TRPM3: variants seen among roughly 807,000 people sequenced by gnomAD.
The protein encoded by TRPM3 is long transient receptor potential channel 3.
In TRPM3, 77 loss-of-function variants were observed where a neutral mutation model predicts 181.2. That is an observed-to-expected ratio of 0.42 (90% confidence interval 0.35 to 0.51). The LOEUF (loss-of-function observed/expected upper bound fraction) is 0.51, where lower values mean the gene tolerates loss of function less well. TRPM3 is among the 20% of genes least tolerant of loss of function. The pLI, the probability that TRPM3 is intolerant of heterozygous loss-of-function variation, is 0.01. For missense variants in TRPM3, 1,759 were observed against 2,196.7 expected, an observed-to-expected ratio of 0.80 and a Z score of 3.98; for synonymous variants, 745 against 796.4, an observed-to-expected ratio of 0.94 and a Z score of 1.09.
chr9:70,574,813 T>G (rs950158788), intron 22 of TRPM3, among the ~76,000 whole-genome samples: 7 of 152,226 alleles, frequency 4.6e-5, no homozygotes, highest in African/African-American at 1.7e-4. Flanking sequence ...ATCATGGTTT[T>G]TCATGATGAG....
chr9:70,866,453 T>G (rs1043983106), intron 1 of TRPM3, among the ~76,000 whole-genome samples: 1 of 152,042 alleles, frequency 6.6e-6, no homozygotes, highest in Non-Finnish European at 1.5e-5. Flanking sequence ...GAAAGTTACA[T>G]GATTTCTTTG....
At chr9:70,756,424 G>C (rs2077090009) in intron 8 of TRPM3, among the ~76,000 whole-genome samples, 1 of 152,028 alleles carries the variant, frequency 6.6e-6, no homozygotes. Context: ...GTCAATATTA[G>C]ACAGATCAAT....
intron 1 of TRPM3, among the ~76,000 whole-genome samples, chr9:71,135,856 T>C (rs1188504864): frequency 1.3e-5 from 2 of 152,234 alleles, no homozygotes; most frequent in Non-Finnish European, 2.9e-5. Flanking sequence ...ACTTCTAGTG[T>C]TACTAATACA....
At chr9:71,242,310 A>G (rs7038340) in intron 1 of TRPM3, among the ~76,000 whole-genome samples, 106,773 of 152,048 alleles carry the variant, frequency 0.7, 37,751 homozygotes, top group African/African-American at 0.77. Context: ...GGCAGAGTCC[A>G]TGAAATAGTC....
At chr9:71,408,475 G>T (rs369432426) in intron 1 of TRPM3, among the ~76,000 whole-genome samples, 1 of 152,136 alleles carries the variant, frequency 6.6e-6, no homozygotes. Context: ...TTCAGTAGCC[G>T]ATTCAATCAA....
At chr9:70,806,386 A>G (rs1378192697) in intron 6 of TRPM3, among the ~76,000 whole-genome samples, 3 of 152,138 alleles carry the variant, frequency 2.0e-5, no homozygotes, top group Non-Finnish European at 4.4e-5. Context: ...CTGGGATCTT[A>G]AGGGGTTCAA....
intron 1 of TRPM3, among the ~76,000 whole-genome samples, chr9:71,213,367 G>A (rs1361560808): frequency 6.6e-6 from 1 of 151,828 alleles, no homozygotes; most frequent in African/African-American, 2.4e-5. Context: ...GCTAGATTTT[G>A]CCTACGGGCC....
chr9:71,153,100 T>C (rs1402259564), intron 1 of TRPM3, among the ~76,000 whole-genome samples: 3 of 152,050 alleles, frequency 2.0e-5, no homozygotes, highest in East Asian at 3.9e-4. Flanking sequence ...AGAGCAGTCA[T>C]AGTAATACTG....
chr9:71,259,071 T>A (rs1213786843), intron 1 of TRPM3, among the ~76,000 whole-genome samples: 2 of 151,160 alleles, frequency 1.3e-5, no homozygotes, highest in Non-Finnish European at 2.9e-5. Flanking sequence ...CAGGCCCCAG[T>A]GTGTGATGTT....
rs75300159 is a variant in TRPM3, at chr9:70,683,724, G to A, written c.1273-2146C>T. ...TCTGCTTCTGCATAACTACAGGTTT[G>A]GCCAAGATGCCATCTGGACATTATC... On this transcript the variant is annotated intron_variant, in intron 8 of 25. Transcript: ENST00000677713. Among the ~76,000 whole-genome samples, 16 of 152,138 alleles carry A rather than the reference G, an allele frequency of 1.1e-4. No homozygotes were observed. The East Asian group carries it at 2.7e-3, about 26-fold the overall frequency.
intron 1 of TRPM3, among the ~76,000 whole-genome samples, chr9:70,925,581 T>C (rs570976076): frequency 6.6e-6 from 1 of 152,136 alleles, no homozygotes; most frequent in African/African-American, 2.4e-5. Flanking sequence ...ATATGGAATA[T>C]ATATATATAT....
At chr9:71,404,369 C>T (rs903570257) in intron 1 of TRPM3, among the ~76,000 whole-genome samples, 6 of 152,188 alleles carry the variant, frequency 3.9e-5, no homozygotes, top group African/African-American at 1.4e-4. Context: ...TGCATTTCCA[C>T]CTGAACAACA....
At chr9:70,574,934 T>A (rs1490545291) in intron 22 of TRPM3, among the ~76,000 whole-genome samples, 13 of 151,724 alleles carry the variant, frequency 8.6e-5, no homozygotes, top group Admixed American at 8.5e-4. Context: ...TTCTTTTCTT[T>A]CTTTTTTTTT....
At chr9:71,159,129 G>C (rs895172783) in intron 1 of TRPM3, among the ~76,000 whole-genome samples, 2 of 142,542 alleles carry the variant, frequency 1.4e-5, no homozygotes, top group South Asian at 4.5e-4. Flanking sequence ...GAGAGAGAGA[G>C]AGAGAGAAAG....
intron 6 of TRPM3, among the ~76,000 whole-genome samples, chr9:70,815,861 A>G (rs1284790038): frequency 6.6e-6 from 1 of 152,190 alleles, no homozygotes; most frequent in East Asian, 1.9e-4. Flanking sequence ...TACAATAGCT[A>G]TGAGTTTGAT....
rs184058211 is a variant in TRPM3 at position 70,623,937 on chromosome 9, T to C, written c.1809+1254A>G. Among the ~76,000 whole-genome samples, 3 of 152,092 alleles carry C rather than the reference T, an allele frequency of 2.0e-5. No individual in the cohort carries two copies. The East Asian group carries it at 5.8e-4, about 30-fold the overall frequency. ...CAGATGGACTAAGGTTATGTAGACT[T>C]GGACCTTTGGCAGATGTTTTTGGAA... On this transcript the variant is annotated intron_variant, in intron 14 of 25. Coordinates refer to ENST00000677713, the MANE Select transcript of TRPM3 (RefSeq NM_001366145.2).
chr9:71,444,843 A>G (rs574630593), intron 1 of TRPM3, among the ~76,000 whole-genome samples: 1 of 152,380 alleles, frequency 6.6e-6, no homozygotes, highest in South Asian at 2.1e-4. Context: ...AAACACTGAT[A>G]ATTAAAAATT....
rs1403379592 is a variant in TRPM3 at position 71,260,170 on chromosome 9, TG to T, written c.183+186482del. 1.5e-4 allele frequency among the ~76,000 whole-genome samples: 23 copies of T among 152,334 alleles called. No individual in the cohort carries two copies. The East Asian group carries it at 4.4e-3, about 29-fold the overall frequency. On this transcript the variant is annotated intron_variant, in intron 1 of 24. Coordinates refer to the TRPM3 transcript ENST00000357533. ...CCCCATTGTTTGTTTTTGTCAGGTT[TG>T]TCAAAGATCAGATTGTTGTAGATGT... is the stretch of plus-strand genomic sequence containing the variant.
intron 1 of TRPM3, among the ~76,000 whole-genome samples, chr9:71,325,347 A>G (rs1168037435): frequency 6.6e-6 from 1 of 152,192 alleles, no homozygotes; most frequent in Non-Finnish European, 1.5e-5. Context: ...CTTCAGCACC[A>G]ACTTATCATA....
Sources: allele counts gnomAD v4.1 joint callset (sites outside exome capture counted in the v4.1 genomes callset), GRCh38; gene constraint gnomAD v4.1.1; transcripts MANE v1.5; gene names NCBI Gene and HGNC (gene_info 2026-07-23, HGNC 2026-07-21).